Variants in TNFRSF17 observed in about 807,000 individuals in gnomAD.
TNFRSF17 encodes tumor necrosis factor receptor superfamily member 17.
In TNFRSF17, 13 loss-of-function variants were observed where a neutral mutation model predicts 9.9. That is an observed-to-expected ratio of 1.31 (90% CI 0.85 to 2.08). TNFRSF17 has a LOEUF of 2.08. Ranked by LOEUF, TNFRSF17 falls within the 30% of genes most tolerant of loss-of-function variation. The pLI is 0.00. For missense variants in TNFRSF17, 305 were observed against 225.8 expected (o/e 1.35, Z -2.25); for synonymous variants, 99 against 83.7 (o/e 1.18, Z -1.00).
chr16:11,965,272 C>G lies in TNFRSF17; in HGVS notation c.-53C>G. On this transcript the variant is annotated 5_prime_UTR_variant, in exon 1 of 3. Coordinates refer to ENST00000053243, the MANE Select transcript of TNFRSF17 (RefSeq NM_001192.3). The stretch of plus-strand genomic sequence containing the variant: ...CTCTGGAATTCTTGTAGAGATATTA[C>G]TTGTCCTTCCAGGCTGTTCTTTCTG... 2 of 1,609,650 alleles carry G rather than the reference C, an allele frequency of 1.2e-6. No homozygotes were observed. Among genetic ancestry groups the G allele is most frequent in the East Asian group, 2.2e-5 (1 of 44,824 alleles).
intron 1 of TNFRSF17, 116 bp from the exon 2 acceptor site, chr16:11,966,079 C>G (rs772681605): frequency 6.3e-6 from 7 of 1,119,434 alleles, no homozygotes; most frequent in African/African-American, 1.6e-5. Context: ...CCACTGCACT[C>G]TAGCCTGGGC....
Position 11,967,894 on chromosome 16 carries a change from G to T in TNFRSF17, c.*47G>T. 1 of 1,587,360 alleles carries T rather than the reference G, an allele frequency of 6.3e-7. No homozygotes were observed. The highest frequency in any genetic ancestry group is 8.6e-7 in the Non-Finnish European group (1 of 1,165,824). Reference sequence around the variant, plus strand: ...GTGCCACTTTAAAAATCTTTTGTCAGAATAGATGATGTGTCAGATCTCTTT... The same window carrying T: ...GTGCCACTTTAAAAATCTTTTGTCATAATAGATGATGTGTCAGATCTCTTT... On this transcript the variant is annotated 3_prime_UTR_variant, in exon 3 of 3. Coordinates refer to ENST00000053243, the MANE Select transcript of TNFRSF17 (RefSeq NM_001192.3).
chr16:11,967,817 G>A lies in TNFRSF17; in HGVS notation c.525G>A (p.Thr175=), dbSNP rs2071336. 0.041 allele frequency: 66,725 copies of A among 1,613,968 alleles called. 2,728 individuals are homozygous for A. Among genetic ancestry groups the A allele is most frequent in the Admixed American group, 0.2 (12,286 of 59,982 alleles). Residue 175 remains threonine, a synonymous_variant, in exon 3 of 3, where the codon ACG becomes ACA. Transcript: ENST00000053243. ...CKSLPAALSA[T]EIEKSISAR ...GCCTGCCAGCTGCTTTGAGTGCTAC[G>A]GAGATAGAGAAATCAATTTCTGCTA...
chr16:11,966,194 G>T lies in TNFRSF17; in HGVS notation c.131-1G>T, dbSNP rs1259846447. Reference sequence around the variant, plus strand: ...ATCTGTCTGATGTTCTTTTCATAAAGGTGTGACCAATTCAGTGAAAGGAAC... The same window carrying T: ...ATCTGTCTGATGTTCTTTTCATAAATGTGTGACCAATTCAGTGAAAGGAAC... On this transcript the variant is annotated splice_acceptor_variant, in intron 1 of 2. Transcript: ENST00000053243. LOFTEE classifies it high-confidence loss of function. 1 of 1,611,622 alleles carries T rather than the reference G, an allele frequency of 6.2e-7. No homozygotes were observed. Among genetic ancestry groups the T allele is most frequent in the Non-Finnish European group, 8.5e-7 (1 of 1,178,414 alleles).
At chr16:11,966,113 A>C (rs1355881068) in intron 1 of TNFRSF17, 82 bp from the exon 2 acceptor site, 5 of 1,305,224 alleles carry the variant, frequency 3.8e-6, no homozygotes, top group Non-Finnish European at 5.2e-6. Context: ...TTTGTCTCAA[A>C]ATAAATAAAT....
At position 11,965,772 on chromosome 16, in the gene TNFRSF17, G is replaced by T. The variant is rs115493339; in HGVS notation, c.130+318G>T. 5.7e-3 allele frequency among the ~76,000 whole-genome samples: 864 copies of T among 152,142 alleles called. 13 individuals carry two copies. The highest frequency in any genetic ancestry group is 0.02 in the African/African-American group (820 of 41,498). On this transcript the variant is annotated intron_variant, in intron 1 of 2. Coordinates refer to ENST00000053243, the MANE Select transcript of TNFRSF17 (RefSeq NM_001192.3). ...GAAATAATCCATACTTGATTATTTT[G>T]CTATCAAAACAATCCATAATTCATT...
chr16:11,966,549 C>G (rs546900841), intron 2 of TNFRSF17, among the ~76,000 whole-genome samples: 1 of 152,310 alleles, frequency 6.6e-6, no homozygotes, highest in Admixed American at 6.5e-5. Context: ...CAATGTCAGT[C>G]TTCTCCAGGA....
At position 11,966,240 on chromosome 16, in the gene TNFRSF17, G is replaced by T. The variant is rs150754620; in HGVS notation, c.176G>T (p.Cys59Phe). ...VKGTNAILWTCLGLSLIISLA... is the reference protein window; with the variant it reads ...VKGTNAILWTFLGLSLIISLA... ...GGAACGAATGCGATTCTCTGGACCT[G>T]TTTGGGACTGAGCTTAATAATTTCT... The change falls in exon 2 of 3, where the codon TGT becomes TTT. Residue 59 changes from cysteine (C) to phenylalanine (F), a missense_variant. By Grantham distance (205) the Cys-to-Phe change is radical. Coordinates refer to ENST00000053243, the MANE Select transcript of TNFRSF17 (RefSeq NM_001192.3). 93 of 1,614,038 alleles carry T rather than the reference G, an allele frequency of 5.8e-5. No individual in the cohort carries two copies. The highest frequency in any genetic ancestry group is 7.8e-5 in the Non-Finnish European group (92 of 1,179,920).
At position 11,965,240 on chromosome 16, in the gene TNFRSF17, G is replaced by T; in HGVS notation, c.-85G>T. On this transcript the variant is annotated 5_prime_UTR_variant, in exon 1 of 3. Coordinates refer to ENST00000053243, the MANE Select transcript of TNFRSF17 (RefSeq NM_001192.3). ...TCTCAACATTCTAGCTGCTCTTGCT[G>T]CATTTGCTCTGGAATTCTTGTAGAG... is the stretch of plus-strand genomic sequence containing the variant. 2 of 1,558,278 alleles carry T rather than the reference G, an allele frequency of 1.3e-6. No homozygotes were observed. Among genetic ancestry groups the T allele is most frequent in the Non-Finnish European group, 1.8e-6 (2 of 1,142,318 alleles).
Position 11,967,971 on chromosome 16 carries a change from G to T in TNFRSF17, c.*124G>T. 9.3e-7 allele frequency: 1 copy of T among 1,079,440 alleles called. No individual in the cohort carries two copies. The highest frequency in any genetic ancestry group is 2.5e-5 in the East Asian group (1 of 39,372). 66.9% of individuals were successfully genotyped at this position (1,079,440 alleles called of 1,614,324 possible). A position where few individuals can be genotyped will look rare whatever the true frequency, so the allele number is the denominator to read the frequency against. ...ATACAGCTTTTTGTCCTCTAACTGT[G>T]GAAACTCTTTATGTTAGATATATTT... On this transcript the variant is annotated 3_prime_UTR_variant, in exon 3 of 3. Transcript: ENST00000053243.
Position 11,967,605 on chromosome 16 carries a change from G to T in TNFRSF17, c.313G>T (p.Glu105Ter), listed in dbSNP as rs757322532. The T allele has an allele frequency of 2.5e-6, 4 of 1,613,864 alleles. No homozygotes were observed. In the African/African-American group the frequency reaches 5.3e-5, roughly 22 times the overall value. ...CCTGGGCATGGCTAACATTGACCTG[G>T]AAAAGAGCAGGACTGGTGATGAAAT... Reference protein sequence around the residue: ...GLLGMANIDLEKSRTGDEIIL... With the variant: ...GLLGMANIDL Residue 105 changes from glutamate to a stop codon, truncating the protein, a stop_gained, in exon 3 of 3, where the codon GAA becomes TAA. Transcript: ENST00000053243. LOFTEE classifies it low-confidence loss of function (END_TRUNC).
rs200779776 is a variant in TNFRSF17, at chr16:11,965,404, G to C, written c.80G>C (p.Arg27Pro). 28 of 1,614,098 alleles carry C rather than the reference G, an allele frequency of 1.7e-5. No individual in the cohort carries two copies. Among genetic ancestry groups the C allele is most frequent in the Non-Finnish European group, 2.4e-5 (28 of 1,180,004 alleles). Residue 27 changes from arginine to proline, a missense_variant, in exon 1 of 3, where the codon CGA (arginine) becomes CCA (proline). Coordinates refer to ENST00000053243, the MANE Select transcript of TNFRSF17 (RefSeq NM_001192.3). ...CATGCTTGCATACCTTGTCAACTTC[G>C]ATGTTCTTCTAATACTCCTCCTCTA... The part of the protein sequence containing the change: ...LLHACIPCQL[R>P]CSSNTPPLTC...
At position 11,966,201 on chromosome 16, in the gene TNFRSF17, C is replaced by G. The variant is rs758071191; in HGVS notation, c.137C>G (p.Thr46Ser). The change falls in exon 2 of 3, where the codon ACC becomes AGC. Residue 46 changes from threonine (T) to serine (S), a missense_variant. By Grantham distance (58) the Thr-to-Ser change is moderately conservative (BLOSUM62 1). Transcript: ENST00000053243. Reference sequence around the variant, plus strand: ...TGATGTTCTTTTCATAAAGGTGTGACCAATTCAGTGAAAGGAACGAATGCG... The same window carrying G: ...TGATGTTCTTTTCATAAAGGTGTGAGCAATTCAGTGAAAGGAACGAATGCG... ...TCQRYCNASV[T>S]NSVKGTNAIL... 1.2e-6 allele frequency: 2 copies of G among 1,612,342 alleles called. No individual in the cohort carries two copies. The highest frequency in any genetic ancestry group is 1.3e-5 in the African/African-American group (1 of 74,872).
In TNFRSF17 at chr16:11,968,038, G is replaced by T. The variant is rs1237408087; in HGVS notation, c.*191G>T. On this transcript the variant is annotated 3_prime_UTR_variant, in exon 3 of 3. Coordinates refer to ENST00000053243, the MANE Select transcript of TNFRSF17 (RefSeq NM_001192.3). Reference sequence around the variant, plus strand: ...GGAGCTTAATGGTAGAAACTTCCTTGGTTTCATGATTAAACTCTTTTTTTT... The same window carrying T: ...GGAGCTTAATGGTAGAAACTTCCTTTGTTTCATGATTAAACTCTTTTTTTT... 1.1e-5 allele frequency: 7 copies of T among 611,390 alleles called. No individual in the cohort carries two copies. The highest frequency in any genetic ancestry group is 7.8e-5 in the South Asian group (3 of 38,366). The allele number at this position is 611,390 out of a possible 1,614,324, so 37.9% of individuals were successfully genotyped here.
At position 11,965,255 on chromosome 16, in the gene TNFRSF17, T is replaced by G; in HGVS notation, c.-70T>G. ...TGCTCTTGCTGCATTTGCTCTGGAA[T>G]TCTTGTAGAGATATTACTTGTCCTT... On this transcript the variant is annotated 5_prime_UTR_variant, in exon 1 of 3. Coordinates refer to ENST00000053243, the MANE Select transcript of TNFRSF17 (RefSeq NM_001192.3). 1 of 1,585,542 alleles carries G rather than the reference T, an allele frequency of 6.3e-7. No homozygotes were observed. Among genetic ancestry groups the G allele is most frequent in the East Asian group, 2.3e-5 (1 of 44,320 alleles).
Position 11,965,461 on chromosome 16 carries a change from A to C in TNFRSF17, c.130+7A>C. The C allele has an allele frequency of 6.2e-7, 1 of 1,613,708 alleles. No homozygotes were observed. The highest frequency in any genetic ancestry group is 8.5e-7 in the Non-Finnish European group (1 of 1,179,662). On this transcript the variant is annotated splice_region_variant and intron_variant, in intron 1 of 2. Coordinates refer to ENST00000053243, the MANE Select transcript of TNFRSF17 (RefSeq NM_001192.3). The stretch of plus-strand genomic sequence containing the variant: ...CAGCGTTATTGTAATGCAAGTAAGT[A>C]ATATTGCTTGAACGATTATTCATTG...
At chr16:11,966,472 A>C in intron 2 of TNFRSF17, 131 bp downstream of exon 2, 10 of 932,842 alleles carry the variant, frequency 1.1e-5, no homozygotes, top group Non-Finnish European at 1.5e-5. Context: ...GAACATTGTT[A>C]CATTAAATGA....
chr16:11,966,359 T>A lies in TNFRSF17; in HGVS notation c.277+18T>A. ...AAACACAGGTTGGTTTGATGGTGAA[T>A]CTTTGAAATCTATTTCCAGGGGATG... On this transcript the variant is annotated intron_variant, in intron 2 of 2. Coordinates refer to ENST00000053243, the MANE Select transcript of TNFRSF17 (RefSeq NM_001192.3). The A allele has an allele frequency of 6.2e-7, 1 of 1,601,664 alleles. No individual in the cohort carries two copies. Among genetic ancestry groups the A allele is most frequent in the Non-Finnish European group, 8.5e-7 (1 of 1,172,584 alleles).
At position 11,965,227 on chromosome 16, in the gene TNFRSF17, A is replaced by C; in HGVS notation, c.-98A>C. 6.6e-7 allele frequency: 1 copy of C among 1,513,434 alleles called. No individual in the cohort carries two copies. The highest frequency in any genetic ancestry group is 9.0e-7 in the Non-Finnish European group (1 of 1,107,758). 93.8% of individuals were successfully genotyped at this position (1,513,434 alleles called of 1,614,324 possible). A position where few individuals can be genotyped will look rare whatever the true frequency, so the allele number is the denominator to read the frequency against. ...CGAAGTTCATTGTTCTCAACATTCTAGCTGCTCTTGCTGCATTTGCTCTGG... is the reference window on the plus strand; with the variant it reads ...CGAAGTTCATTGTTCTCAACATTCTCGCTGCTCTTGCTGCATTTGCTCTGG... On this transcript the variant is annotated 5_prime_UTR_variant, in exon 1 of 3. Coordinates refer to ENST00000053243, the MANE Select transcript of TNFRSF17 (RefSeq NM_001192.3).
Sources: gnomAD v4.1 joint callset for allele counts (sites outside exome capture counted in the v4.1 genomes callset) on GRCh38, gnomAD v4.1.1 for gene constraint, MANE v1.5 for transcripts, NCBI Gene and HGNC (gene_info 2026-07-23, HGNC 2026-07-21) for gene names.